SLC9C2: variants seen among roughly 807,000 people sequenced by gnomAD.
The protein encoded by SLC9C2 is sodium/hydrogen exchanger 11.
SLC9C2 carries 75 observed loss-of-function variants against 140.2 expected under a neutral mutation model. The ratio of observed to expected loss-of-function variants is 0.53; its 90% confidence interval spans 0.44 to 0.65. SLC9C2 has a LOEUF of 0.65. Among genes scored for constraint, SLC9C2 ranks in the 30% least tolerant of loss-of-function variants. The pLI, the probability that SLC9C2 is intolerant of heterozygous loss-of-function variation, is 0.00. For missense variants in SLC9C2, 1,074 were observed against 1,331.8 expected (o/e 0.81, Z 3.01); for synonymous variants, 375 against 420.9 (o/e 0.89, Z 1.34).
At chr1:173,565,358 T>G (rs1664404656) in intron 9 of SLC9C2, among the ~76,000 whole-genome samples, 1 of 152,220 alleles carries the variant, frequency 6.6e-6, no homozygotes, top group African/African-American at 2.4e-5. Flanking sequence ...ATTTACATAT[T>G]TAATCCATTT....
intron 4 of SLC9C2, among the ~76,000 whole-genome samples, chr1:173,595,856 T>C (rs1666421789): frequency 1.3e-5 from 2 of 152,270 alleles, no homozygotes; most frequent in South Asian, 4.1e-4. Context: ...ATGCATACAG[T>C]TATGTAATCA....
intron 18 of SLC9C2, among the ~76,000 whole-genome samples, chr1:173,529,453 A>C (rs1661417205): frequency 2.0e-5 from 3 of 152,034 alleles, no homozygotes; most frequent in African/African-American, 7.3e-5. Context: ...ATGATAAAAA[A>C]TAAATACTTC....
In SLC9C2 at chr1:173,587,691, C is replaced by T. The variant is rs539570027; in HGVS notation, c.497G>A (p.Arg166His). The T allele has an allele frequency of 1.2e-5, 20 of 1,611,516 alleles. No individual in the cohort carries two copies. The highest frequency in any genetic ancestry group is 5.5e-5 in the South Asian group (5 of 90,738). Residue 166 changes from arginine to histidine, a missense_variant, in exon 5 of 28, where the codon CGT (arginine) becomes CAT (histidine). By Grantham distance (29) the Arg-to-His change is conservative (BLOSUM62 0). Coordinates refer to ENST00000367714, the MANE Select transcript of SLC9C2 (RefSeq NM_178527.4). ...AATAGTTTTTAGTGAATTCACAGAA[C>T]GAAGAGGATCTATAATGCCAAGGGT... ...SITLGIIDPLRSVNSLKTIGI... is the reference protein window; with the variant it reads ...SITLGIIDPLHSVNSLKTIGI...
At chr1:173,596,367 G>C (rs557168551) in intron 4 of SLC9C2, 1 of 152,102 alleles carries the variant, frequency 6.6e-6, no homozygotes, top group Non-Finnish European at 1.5e-5. Context: ...TCCCAAAGTG[G>C]TTGTACCATT....
In SLC9C2 at chr1:173,581,789, T is replaced by A. The variant is rs1665550510; in HGVS notation, c.802+58A>T. The A allele has an allele frequency of 4.4e-6, 6 of 1,363,448 alleles. No individual in the cohort carries two copies. The East Asian group carries it at 7.6e-5, about 17-fold the overall frequency. 84.5% of individuals were successfully genotyped at this position (1,363,448 alleles called of 1,614,324 possible). ...AACTGGATTCAAGATCAGGAAAAAA[T>A]AAACATGTATAAAACTTACTTTAAG... On this transcript the variant is annotated intron_variant, in intron 7 of 27. Coordinates refer to ENST00000367714, the MANE Select transcript of SLC9C2 (RefSeq NM_178527.4).
In SLC9C2 at chr1:173,565,631, T is replaced by C. The variant is rs151327738; in HGVS notation, c.1046+7551A>G. 6.6e-5 allele frequency among the ~76,000 whole-genome samples: 10 copies of C among 152,370 alleles called. No homozygotes were observed. The East Asian group carries it at 1.9e-3, about 29-fold the overall frequency. ...TATAGCTCTGCAGTATAATTTGAAG[T>C]TAAGTAATGTGATTCCTCCACTTTT... On this transcript the variant is annotated intron_variant, in intron 9 of 27. Coordinates refer to ENST00000367714, the MANE Select transcript of SLC9C2 (RefSeq NM_178527.4).
intron 17 of SLC9C2, among the ~76,000 whole-genome samples, chr1:173,531,058 AT>A (rs1382234533): frequency 6.6e-6 from 1 of 152,208 alleles, no homozygotes; most frequent in Non-Finnish European, 1.5e-5. Context: ...ACGTTTTCCA[AT>A]GCAGATTTGT....
intron 19 of SLC9C2, among the ~76,000 whole-genome samples, chr1:173,526,001 T>G (rs1310945042): frequency 1.3e-5 from 2 of 152,222 alleles, no homozygotes; most frequent in Admixed American, 6.5e-5. Context: ...CATCTTACAA[T>G]GTGGTCATGA....
chr1:173,508,893 G>T (rs1659839347), intron 24 of SLC9C2, among the ~76,000 whole-genome samples: 1 of 152,196 alleles, frequency 6.6e-6, no homozygotes, highest in Non-Finnish European at 1.5e-5. Context: ...AAAGGCAGGA[G>T]ATTTACAGAC....
rs34183286 is a variant in SLC9C2 at position 173,502,272 on chromosome 1, CAAAAAAAAAAAAA to C, written c.3371+981_3371+993del. The stretch of plus-strand genomic sequence containing the variant: ...CATGTGACAGAGTGAGATTCCATCT[CAAAAAAAAAAAAA>C]AAAAAAAAAAAAGCTGTTTATTTGG... On this transcript the variant is annotated intron_variant, in intron 27 of 27. Transcript: ENST00000367714. Among the ~76,000 whole-genome samples the C allele has an allele frequency of 2.2e-4, 9 of 40,798 alleles. 1 individual carries two copies. The East Asian group carries it at 6.7e-3, about 30-fold the overall frequency. The allele number at this position is 40,798 out of a possible 152,430, so 26.8% of individuals were successfully genotyped here. A position where few individuals can be genotyped will look rare whatever the true frequency, so the allele number is the denominator to read the frequency against.
intron 23 of SLC9C2, among the ~76,000 whole-genome samples, chr1:173,511,918 C>T (rs1277976147): frequency 1.3e-5 from 2 of 152,166 alleles, no homozygotes; most frequent in Non-Finnish European, 2.9e-5. Flanking sequence ...GATCCTTTCC[C>T]CATTGCTTGT....
Position 173,535,857 on chromosome 1 carries a change from A to G in SLC9C2, c.1748T>C (p.Ile583Thr), listed in dbSNP as rs1194648570. The change falls in exon 15 of 28, where the codon ATA becomes ACA. Residue 583 changes from isoleucine to threonine, a missense_variant. By Grantham distance (89) the Ile-to-Thr change is moderately conservative. Coordinates refer to ENST00000367714, the MANE Select transcript of SLC9C2 (RefSeq NM_178527.4). Reference protein sequence around the residue: ...KNVLTFLEYCIEKIHFIPPES... With the variant: ...KNVLTFLEYCTEKIHFIPPES... Reference sequence around the variant, plus strand: ...AGGTGGAATAAAATGTATCTTTTCTATACAATATTCCAAGAAAGTTAAAAC... The same window carrying G: ...AGGTGGAATAAAATGTATCTTTTCTGTACAATATTCCAAGAAAGTTAAAAC... 2 of 1,518,044 alleles carry G rather than the reference A, an allele frequency of 1.3e-6. No individual in the cohort carries two copies. Among genetic ancestry groups the G allele is most frequent in the East Asian group, 2.4e-5 (1 of 41,128 alleles). The allele number at this position is 1,518,044 out of a possible 1,614,324, so 94.0% of individuals were successfully genotyped here. A position where few individuals can be genotyped will look rare whatever the true frequency, so the allele number is the denominator to read the frequency against.
rs567404472 is a variant in SLC9C2, at chr1:173,527,563, T to C, written c.2314-849A>G. ...TAACCAATCTCTGTTCAATCAATCA[T>C]ACAACAGGTATTTGTTGGATGCCCA... On this transcript the variant is annotated intron_variant, in intron 18 of 27. Transcript: ENST00000367714. 4.9e-4 allele frequency among the ~76,000 whole-genome samples: 75 copies of C among 152,364 alleles called. 1 individual carries two copies. The South Asian group carries it at 8.1e-3, about 16-fold the overall frequency.
At chr1:173,566,370 T>C (rs1330875888) in intron 9 of SLC9C2, among the ~76,000 whole-genome samples, 1 of 152,162 alleles carries the variant, frequency 6.6e-6, no homozygotes, top group African/African-American at 2.4e-5. Context: ...TTGTTATTGG[T>C]CTGTTCAGGT....
rs371524870 is a variant in SLC9C2, at chr1:173,601,815, T to C, written c.-39A>G. 6.8e-6 allele frequency: 11 copies of C among 1,610,766 alleles called. No homozygotes were observed. Among genetic ancestry groups the C allele is most frequent in the Non-Finnish European group, 7.6e-6 (9 of 1,178,632 alleles). ...TTTCCCCAGACCTAACTTGATGGAGTGGTTTGGTTATTATTGACACTTTCA... is the reference window on the plus strand; with the variant it reads ...TTTCCCCAGACCTAACTTGATGGAGCGGTTTGGTTATTATTGACACTTTCA... On this transcript the variant is annotated 5_prime_UTR_variant, in exon 2 of 28. Coordinates refer to ENST00000367714, the MANE Select transcript of SLC9C2 (RefSeq NM_178527.4).
chr1:173,583,483 A>T, intron 6 of SLC9C2, 23 bp downstream of exon 6: 2 of 1,304,750 alleles, frequency 1.5e-6, no homozygotes, highest in Non-Finnish European at 2.2e-6. Context: ...TTTAGAAAAT[A>T]TACAGACAAA....
At chr1:173,507,070 A>C in intron 24 of SLC9C2, 29 bp from the exon 25 acceptor site, 1 of 1,487,758 alleles carries the variant, frequency 6.7e-7, no homozygotes, top group Non-Finnish European at 9.0e-7. Flanking sequence ...TTAGAAAATA[A>C]GTCATACAAA....
intron 4 of SLC9C2, among the ~76,000 whole-genome samples, chr1:173,596,203 G>C (rs1666449172): frequency 6.6e-6 from 1 of 152,062 alleles, no homozygotes; most frequent in African/African-American, 2.4e-5. Flanking sequence ...TTTGTTTCCA[G>C]ACATTTGAGA....
chr1:173,533,401 C>G (rs1413648065), intron 17 of SLC9C2, among the ~76,000 whole-genome samples: 2 of 152,116 alleles, frequency 1.3e-5, no homozygotes, highest in Non-Finnish European at 2.9e-5. Flanking sequence ...ACCTCAGCCT[C>G]CCAAGTAGCT....
Sources: allele counts gnomAD v4.1 joint callset (sites outside exome capture counted in the v4.1 genomes callset), GRCh38; gene constraint gnomAD v4.1.1; transcripts MANE v1.5; gene names NCBI Gene and HGNC (gene_info 2026-07-23, HGNC 2026-07-21).